PHF14: variants seen among roughly 807,000 people sequenced by gnomAD.
PHF14 encodes the protein PHD finger protein 14.
A neutral mutation model predicts 117.9 loss-of-function variants in PHF14; 55 were observed. That is an observed-to-expected ratio of 0.47 (90% CI 0.38 to 0.58). The LOEUF is 0.58. Among genes scored for constraint, PHF14 ranks in the 20% least tolerant of loss-of-function variants. The probability of loss-of-function intolerance (pLI) is 0.00; values close to 1 mark genes in which losing one functional copy is unlikely to be tolerated. For synonymous variants in PHF14, 409 were observed against 368.6 expected (o/e 1.11, Z -1.26); for missense variants, 978 against 1,122.2 (o/e 0.87, Z 1.84).
intron 17 of PHF14, among the ~76,000 whole-genome samples, chr7:11,113,032 T>G (rs1787494086): frequency 6.6e-6 from 1 of 152,056 alleles, no homozygotes; most frequent in African/African-American, 2.4e-5. Context: ...TAAATAGTTG[T>G]CTTACGAGTC....
intron 17 of PHF14, among the ~76,000 whole-genome samples, chr7:11,153,962 T>TGC (rs1300244857): frequency 6.6e-6 from 1 of 151,712 alleles, no homozygotes; most frequent in Non-Finnish European, 1.5e-5. Flanking sequence ...TGTGTGTGTG[T>TGC]GTGTGTGTGT....
At chr7:11,035,006 T>G (rs1220473643) in intron 7 of PHF14, among the ~76,000 whole-genome samples, 2 of 152,058 alleles carry the variant, frequency 1.3e-5, no homozygotes, top group African/African-American at 4.8e-5. Context: ...ATTATTAAAA[T>G]CCTATTTGTT....
chr7:11,074,833 G>A lies in PHF14; in HGVS notation c.2654+12748G>A, dbSNP rs74615258. 4.8e-3 allele frequency among the ~76,000 whole-genome samples: 735 copies of A among 151,772 alleles called. 4 individuals carry two copies. The highest frequency in any genetic ancestry group is 6.8e-3 in the Non-Finnish European group (459 of 67,956). On this transcript the variant is annotated intron_variant, in intron 16 of 17. Transcript: ENST00000634607. ...CAACCACTTAACAATACTCTAAGAA[G>A]TTCCAAATTGTCCCTTGTCTTCCTG...
At chr7:11,151,580 A>G (rs1416990096) in intron 17 of PHF14, among the ~76,000 whole-genome samples, 1 of 151,916 alleles carries the variant, frequency 6.6e-6, no homozygotes, top group East Asian at 1.9e-4. Flanking sequence ...TTATAACTTC[A>G]TTTTTGTTGT....
intron 4 of PHF14, among the ~76,000 whole-genome samples, chr7:11,003,193 C>T (rs1292702952): frequency 6.6e-6 from 1 of 152,198 alleles, no homozygotes; most frequent in Admixed American, 6.5e-5. Flanking sequence ...CCCGCCTTGG[C>T]CTCCCAAAGT....
At chr7:11,044,549 C>G (rs1272252321) in intron 13 of PHF14, among the ~76,000 whole-genome samples, 1 of 152,120 alleles carries the variant, frequency 6.6e-6, no homozygotes, top group Non-Finnish European at 1.5e-5. Flanking sequence ...TAGCAGTTAA[C>G]TGGGTGTATT....
chr7:11,151,685 A>G (rs944890954), intron 17 of PHF14, among the ~76,000 whole-genome samples: 3 of 152,164 alleles, frequency 2.0e-5, no homozygotes, highest in South Asian at 2.1e-4. Context: ...TGAGCTATCA[A>G]TGTTCCCAAG....
At chr7:11,151,717 C>T (rs1788706646) in intron 17 of PHF14, among the ~76,000 whole-genome samples, 1 of 152,070 alleles carries the variant, frequency 6.6e-6, no homozygotes, top group South Asian at 2.1e-4. Flanking sequence ...TCATGCATGG[C>T]CCTAGCTCTG....
At chr7:11,044,750 G>A (rs577006595) in intron 13 of PHF14, among the ~76,000 whole-genome samples, 1 of 152,184 alleles carries the variant, frequency 6.6e-6, no homozygotes, top group Admixed American at 6.5e-5. Context: ...TGCTCTAGAG[G>A]TTATTTAAGT....
At position 11,013,918 on chromosome 7, in the gene PHF14, AATT is replaced by A; in HGVS notation, c.1205+15_1205+17del. 1 of 1,574,366 alleles carries A rather than the reference AATT, an allele frequency of 6.4e-7. No individual in the cohort carries two copies. Among genetic ancestry groups the A allele is most frequent in the Non-Finnish European group, 8.7e-7 (1 of 1,150,088 alleles). ...ACAGATGCTGGAAGGTTAATGTCCT[AATT>A]ATGTTGGTTCATATGTTTGCTTTAT... is the stretch of plus-strand genomic sequence containing the variant. On this transcript the variant is annotated intron_variant, in intron 5 of 17. Coordinates refer to ENST00000634607, the MANE Select transcript of PHF14 (RefSeq NM_001007157.2).
intron 3 of PHF14, among the ~76,000 whole-genome samples, chr7:10,990,135 G>C (rs1295999899): frequency 6.6e-6 from 1 of 152,128 alleles, no homozygotes; most frequent in Non-Finnish European, 1.5e-5. Flanking sequence ...GTTTGATAAT[G>C]CTGGAATTTC....
intron 4 of PHF14, among the ~76,000 whole-genome samples, chr7:10,991,868 G>A (rs1177517124): frequency 6.8e-6 from 1 of 146,446 alleles, no homozygotes; most frequent in East Asian, 2.0e-4. Context: ...AAAGTGCTGA[G>A]ATTACAGGCA....
chr7:11,123,644 G>T (rs1292720958), intron 17 of PHF14, among the ~76,000 whole-genome samples: 1 of 152,138 alleles, frequency 6.6e-6, no homozygotes, highest in African/African-American at 2.4e-5. Flanking sequence ...GCTGGGTGCA[G>T]TGGTGTGAAC....
At chr7:11,139,302 C>T (rs1039171088) in intron 17 of PHF14, among the ~76,000 whole-genome samples, 1 of 152,054 alleles carries the variant, frequency 6.6e-6, no homozygotes, top group African/African-American at 2.4e-5. Flanking sequence ...TATCTTTCAC[C>T]ATCCAGAATC....
chr7:11,086,447 A>T (rs908820489), intron 16 of PHF14, among the ~76,000 whole-genome samples: 4 of 152,184 alleles, frequency 2.6e-5, no homozygotes, highest in Non-Finnish European at 4.4e-5. Flanking sequence ...TCTCTCTGAA[A>T]TAACCTCGTC....
At chr7:11,129,023 C>T in intron 17 of PHF14, among the ~76,000 whole-genome samples, 1 of 151,974 alleles carries the variant, frequency 6.6e-6, no homozygotes, top group East Asian at 1.9e-4. Flanking sequence ...TACAAACTCT[C>T]TTACAACAGA....
At chr7:11,006,397 G>C in intron 4 of PHF14, 1 of 521,168 alleles carries the variant, frequency 1.9e-6, no homozygotes, top group East Asian at 5.3e-5. Flanking sequence ...GCTGGACTCA[G>C]TTTAGATGAT....
At chr7:11,026,085 C>G (rs945331247) in intron 6 of PHF14, among the ~76,000 whole-genome samples, 1 of 149,752 alleles carries the variant, frequency 6.7e-6, no homozygotes, top group African/African-American at 2.5e-5. Context: ...GCACTCCAGC[C>G]TGGGTGACAG....
intron 7 of PHF14, among the ~76,000 whole-genome samples, chr7:11,032,363 G>A (rs1380193179): frequency 5.3e-5 from 8 of 152,128 alleles, no homozygotes; most frequent in Non-Finnish European, 4.4e-5. Flanking sequence ...CCAGTAAAGC[G>A]TAGGTACGTT....
Sources: allele counts gnomAD v4.1 joint callset (sites outside exome capture counted in the v4.1 genomes callset), GRCh38; gene constraint gnomAD v4.1.1; transcripts MANE v1.5; gene names NCBI Gene and HGNC (gene_info 2026-07-23, HGNC 2026-07-21).